KCNMB2: variants seen among roughly 807,000 people sequenced by gnomAD.
KCNMB2 encodes the protein potassium calcium-activated channel subfamily M regulatory beta subunit 2.
KCNMB2 carries 9 observed loss-of-function variants against 24.5 expected under a neutral mutation model. The ratio of observed to expected loss-of-function variants is 0.37; its 90% CI spans 0.22 to 0.64. KCNMB2 has a LOEUF of 0.64. Ranked by LOEUF, KCNMB2 falls within the 30% of genes least tolerant of loss-of-function variation. The probability of loss-of-function intolerance (pLI) is 0.63; values close to 1 mark genes in which losing one functional copy is unlikely to be tolerated. For missense variants in KCNMB2, 226 were observed against 284.3 expected, an observed-to-expected ratio of 0.79 and a Z score of 1.47; for synonymous variants, 109 against 104.4, an observed-to-expected ratio of 1.04 and a Z score of -0.27.
intron 1 of KCNMB2, among the ~76,000 whole-genome samples, chr3:178,736,307 T>G (rs1723315607): frequency 6.6e-6 from 1 of 152,230 alleles, no homozygotes; most frequent in South Asian, 2.1e-4. Context: ...ACGGGTTAAT[T>G]AACCATTTAA....
At chr3:178,731,059 T>C (rs1319146118) in intron 1 of KCNMB2, among the ~76,000 whole-genome samples, 7 of 151,352 alleles carry the variant, frequency 4.6e-5, no homozygotes, top group Non-Finnish European at 8.8e-5. Context: ...ACAACCAACA[T>C]ATTAAATTAT....
intron 1 of KCNMB2, among the ~76,000 whole-genome samples, chr3:178,668,161 G>A (rs1056287107): frequency 3.3e-5 from 5 of 152,078 alleles, no homozygotes; most frequent in Non-Finnish European, 5.9e-5. Flanking sequence ...ACTGCTCTGC[G>A]GCAAGCCCTC....
chr3:178,788,979 T>C (rs752099649), intron 1 of KCNMB2, among the ~76,000 whole-genome samples: 1 of 152,166 alleles, frequency 6.6e-6, no homozygotes, highest in Non-Finnish European at 1.5e-5. Context: ...GAATGCTGAA[T>C]TGATTAAAAA....
intron 4 of KCNMB2, 78 bp downstream of exon 4, chr3:178,828,451 GCC>G: frequency 9.1e-7 from 1 of 1,102,958 alleles, no homozygotes; most frequent in Non-Finnish European, 1.3e-6. Context: ...GTTCCCCTTT[GCC>G]AGCATTTCAA....
At chr3:178,796,710 GA>G (rs942071778) in intron 1 of KCNMB2, among the ~76,000 whole-genome samples, 5 of 151,978 alleles carry the variant, frequency 3.3e-5, no homozygotes, top group African/African-American at 1.2e-4. Context: ...AATAAAAATG[GA>G]AATACAACAT....
At chr3:178,757,302 A>ATG (rs1553774183) in intron 1 of KCNMB2, among the ~76,000 whole-genome samples, 1 of 104,918 alleles carries the variant, frequency 9.5e-6, no homozygotes. Context: ...ATATATATAT[A>ATG]TATATCCATC....
chr3:178,624,191 G>T (rs887179470), intron 1 of KCNMB2, among the ~76,000 whole-genome samples: 1 of 150,270 alleles, frequency 6.7e-6, no homozygotes, highest in African/African-American at 2.4e-5. Context: ...AAACCTCAGA[G>T]AATTAAATAA....
intron 1 of KCNMB2, among the ~76,000 whole-genome samples, chr3:178,798,361 C>T (rs1391169057): frequency 2.0e-5 from 3 of 151,962 alleles, no homozygotes; most frequent in Non-Finnish European, 2.9e-5. Flanking sequence ...GTAAATCCAT[C>T]TGGTCCTTGG....
intron 1 of KCNMB2, among the ~76,000 whole-genome samples, chr3:178,614,247 T>TTTTATATA (rs1718600671): frequency 1.9e-5 from 1 of 53,464 alleles, no homozygotes; most frequent in Non-Finnish European, 3.6e-5. Flanking sequence ...TGGGCTAATT[T>TTTTATATA]TATATATATA....
At chr3:178,594,213 C>A (rs1215539753) in intron 1 of KCNMB2, among the ~76,000 whole-genome samples, 1 of 151,956 alleles carries the variant, frequency 6.6e-6, no homozygotes, top group Non-Finnish European at 1.5e-5. Context: ...TGGAATGTCA[C>A]TGGAAGGATT....
chr3:178,646,020 C>T (rs1180444522), intron 1 of KCNMB2, among the ~76,000 whole-genome samples: 1 of 152,140 alleles, frequency 6.6e-6, no homozygotes, highest in Non-Finnish European at 1.5e-5. Context: ...ACCCTCGCGT[C>T]TCACATCCAT....
chr3:178,620,299 T>C (rs1264882200), intron 1 of KCNMB2, among the ~76,000 whole-genome samples: 1 of 152,144 alleles, frequency 6.6e-6, no homozygotes, highest in Non-Finnish European at 1.5e-5. Context: ...AATAAAACTA[T>C]GAATAATTTT....
chr3:178,685,916 A>G (rs1250309841), intron 1 of KCNMB2, among the ~76,000 whole-genome samples: 1 of 152,212 alleles, frequency 6.6e-6, no homozygotes, highest in Non-Finnish European at 1.5e-5. Flanking sequence ...CTGGTTAGTC[A>G]AAGTAAAAAG....
intron 1 of KCNMB2, among the ~76,000 whole-genome samples, chr3:178,696,647 G>T (rs1165259263): frequency 6.6e-6 from 1 of 151,646 alleles, no homozygotes; most frequent in Non-Finnish European, 1.5e-5. Flanking sequence ...CTACCTTTTG[G>T]ATTTCTTTGC....
Position 178,722,849 on chromosome 3 carries a change from C to A in KCNMB2, c.-67-84494C>A, listed in dbSNP as rs558486809. ...CGGAGGTTGTTATGAGCTGAGATTGCACCACTGCATTCCAACCTGGACAAC... is the reference window on the plus strand; with the variant it reads ...CGGAGGTTGTTATGAGCTGAGATTGAACCACTGCATTCCAACCTGGACAAC... On this transcript the variant is annotated intron_variant, in intron 1 of 4. Coordinates refer to ENST00000452583, the MANE Select transcript of KCNMB2 (RefSeq NM_181361.3). Among the ~76,000 whole-genome samples, 5 of 152,254 alleles carry A rather than the reference C, an allele frequency of 3.3e-5. No individual in the cohort carries two copies. In the South Asian group the frequency reaches 1.0e-3, roughly 32 times the overall value.
chr3:178,767,734 T>C (rs1007841734), intron 1 of KCNMB2, among the ~76,000 whole-genome samples: 15 of 152,196 alleles, frequency 9.9e-5, no homozygotes, highest in South Asian at 2.1e-4. Context: ...ATGCCACAGC[T>C]GTATGGCTGT....
At chr3:178,823,683 A>G (rs1235624490) in intron 2 of KCNMB2, among the ~76,000 whole-genome samples, 1 of 152,194 alleles carries the variant, frequency 6.6e-6, no homozygotes, top group African/African-American at 2.4e-5. Context: ...GCCAATCAGA[A>G]CAGATACTGG....
At chr3:178,609,224 T>A (rs763461216) in intron 1 of KCNMB2, among the ~76,000 whole-genome samples, 14 of 152,248 alleles carry the variant, frequency 9.2e-5, no homozygotes, top group Admixed American at 6.5e-4. Context: ...GTTTTGCATT[T>A]CTCTGATGAT....
Position 178,840,629 on chromosome 3 carries a change from C to T in KCNMB2, c.424-2024C>T, listed in dbSNP as rs376110726. Among the ~76,000 whole-genome samples, 21 of 152,378 alleles carry T rather than the reference C, an allele frequency of 1.4e-4. No individual in the cohort carries two copies. In the South Asian group the frequency reaches 4.1e-3, roughly 30 times the overall value. ...TTGCACACCTGCAGTCCCAACAACA[C>T]CTGGAAGCTGCCAAGGCTTGGGGCT... On this transcript the variant is annotated intron_variant, in intron 4 of 4. Transcript: ENST00000452583.
Sources: allele counts gnomAD v4.1 joint callset (sites outside exome capture counted in the v4.1 genomes callset), GRCh38; gene constraint gnomAD v4.1.1; transcripts MANE v1.5; gene names NCBI Gene and HGNC (gene_info 2026-07-23, HGNC 2026-07-21).